MID1: variants seen among roughly 807,000 people sequenced by gnomAD.
The protein encoded by MID1 is E3 ubiquitin-protein ligase Midline-1.
A neutral mutation model predicts 40.4 loss-of-function variants in MID1; 7 were observed. The ratio of observed to expected loss-of-function variants is 0.17; its 90% CI spans 0.10 to 0.33. MID1 has a LOEUF of 0.33. Ranked by LOEUF, MID1 falls within the 10% of genes least tolerant of loss-of-function variation. The pLI, the probability that MID1 is intolerant of heterozygous loss-of-function variation, is 1.00. For missense variants in MID1, 367 were observed against 558.5 expected, an observed-to-expected ratio of 0.66 and a Z score of 3.46; for synonymous variants, 229 against 221.2, an observed-to-expected ratio of 1.04 and a Z score of -0.31.
Position 10,640,243 on chromosome X carries a change from C to T in MID1, c.-186-19824G>A, listed in dbSNP as rs1171851196. Among the ~76,000 whole-genome samples, 10 of 111,356 alleles carry T rather than the reference C, an allele frequency of 9.0e-5. No individual in the cohort carries two copies. The South Asian group carries it at 1.9e-3, about 21-fold the overall frequency. The stretch of plus-strand genomic sequence containing the variant: ...GGCAAATTGGATAAAGAGTCAAGAC[C>T]CATCAGTGTGCTGTATTCAGGAGAC... On this transcript the variant is annotated intron_variant, in intron 1 of 10. Transcript: ENST00000380785.
rs1205933022 is a variant in MID1, at chrX:10,474,746, A to G, written c.1018T>C (p.Ser340Pro). The G allele has an allele frequency of 8.3e-7, 1 of 1,208,514 alleles. No homozygotes were observed. The highest frequency in any genetic ancestry group is 1.8e-5 in the South Asian group (1 of 56,938). Residue 340 changes from serine to proline, a missense_variant, in exon 6 of 10, where the codon TCC (serine) becomes CCC (proline). Ser to Pro is a moderately conservative substitution (Grantham distance 74). Transcript: ENST00000317552. ...QTAKNITERVSMATASSQVLI... is the reference protein window; with the variant it reads ...QTAKNITERVPMATASSQVLI... ...ACCTGGGAGGATGCAGTTGCCATGGAGACTCTGTAATGCAAACAAAACAAT... is the reference window on the plus strand; with the variant it reads ...ACCTGGGAGGATGCAGTTGCCATGGGGACTCTGTAATGCAAACAAAACAAT...
chrX:10,551,757 G>A (rs1933918255), intron 2 of MID1, among the ~76,000 whole-genome samples: 1 of 111,463 alleles, frequency 9.0e-6, no homozygotes, highest in African/African-American at 3.3e-5. Context: ...GGGGAGGGAA[G>A]ACTTATGCCC....
At chrX:10,744,508 C>T (rs2043546110) in intron 1 of MID1, among the ~76,000 whole-genome samples, 2 of 110,920 alleles carry the variant, frequency 1.8e-5, no homozygotes, top group African/African-American at 6.6e-5. Context: ...GCTAACTAGC[C>T]CCCAAATAGC....
intron 1 of MID1, among the ~76,000 whole-genome samples, chrX:10,735,286 A>G (rs112359121): frequency 0.11 from 11,865 of 110,584 alleles, 1,551 homozygotes; most frequent in African/African-American, 0.37. Context: ...ATTTTTAGTA[A>G]AGATGGGGTT....
chrX:10,756,398 G>A (rs2043633057), intron 1 of MID1, among the ~76,000 whole-genome samples: 1 of 112,471 alleles, frequency 8.9e-6, no homozygotes, highest in African/African-American at 3.2e-5. Context: ...AGAGCATTTC[G>A]AATGGAGTAT....
intron 1 of MID1, among the ~76,000 whole-genome samples, chrX:10,704,714 GTGTATATATATA>G (rs1314120649): frequency 1.5e-5 from 1 of 68,964 alleles, no homozygotes; most frequent in African/African-American, 5.5e-5. Flanking sequence ...ATGTGTGTGT[GTGTATATATATA>G]TATATATATA....
chrX:10,463,210 C>G (rs1929154292), intron 7 of MID1, among the ~76,000 whole-genome samples: 1 of 112,346 alleles, frequency 8.9e-6, no homozygotes, highest in Non-Finnish European at 1.9e-5. Flanking sequence ...AATGTCATTA[C>G]TTTTGCATTT....
Position 10,447,449 on chromosome X carries a change from T to A in MID1, c.*1919A>T, listed in dbSNP as rs1327769979. ...TGCATTAAAATATCCATTATCCAGTTACCCAAAATGTATGTAAAAATTACT... is the reference window on the plus strand; with the variant it reads ...TGCATTAAAATATCCATTATCCAGTAACCCAAAATGTATGTAAAAATTACT... On this transcript the variant is annotated 3_prime_UTR_variant, in exon 10 of 10. Transcript: ENST00000317552. 1 of 111,511 alleles carries A rather than the reference T, an allele frequency of 9.0e-6. No homozygotes were observed. The highest frequency in any genetic ancestry group is 1.9e-5 in the Non-Finnish European group (1 of 53,161). 9.2% of individuals were successfully genotyped at this position (111,511 alleles called of 1,213,427 possible).
chrX:10,704,023 T>C (rs1006400993), intron 1 of MID1, among the ~76,000 whole-genome samples: 6 of 112,330 alleles, frequency 5.3e-5, no homozygotes, highest in African/African-American at 1.6e-4. Context: ...AGAGTTGTTA[T>C]AACGTAACTT....
chrX:10,591,859 G>A (rs1051182391), intron 1 of MID1, among the ~76,000 whole-genome samples: 10 of 110,694 alleles, frequency 9.0e-5, no homozygotes, highest in Non-Finnish European at 1.9e-4. Flanking sequence ...TTTTTCCCCC[G>A]GGTCTACCCT....
chrX:10,782,363 G>A (rs915789266), intron 1 of MID1, among the ~76,000 whole-genome samples: 3 of 111,761 alleles, frequency 2.7e-5, no homozygotes, highest in African/African-American at 9.8e-5. Flanking sequence ...TCCCTGGCTT[G>A]GGCAGCATCC....
At position 10,566,981 on chromosome X, in the gene MID1, G is replaced by A. The variant is rs1555905154; in HGVS notation, c.567C>T (p.Thr189=). The change falls in exon 2 of 10, where the codon ACC becomes ACT. Residue 189 remains threonine (T), a synonymous_variant. Coordinates refer to ENST00000317552, the MANE Select transcript of MID1 (RefSeq NM_000381.4). ...ACAAGGCACAGATTAACTGGTCATC[G>A]GTCACACAGTACATATTCACCTTCT... ...EDEKVNMYCV[T]DDQLICALCK... is the part of the protein sequence containing the mutation. 17 of 1,209,781 alleles carry A rather than the reference G, an allele frequency of 1.4e-5. No individual in the cohort carries two copies. The highest frequency in any genetic ancestry group is 1.7e-5 in the Non-Finnish European group (15 of 895,108).
At chrX:10,465,258 C>CACACACACACAT (rs1929320008) in intron 7 of MID1, among the ~76,000 whole-genome samples, 4 of 96,470 alleles carry the variant, frequency 4.1e-5, no homozygotes, top group African/African-American at 1.6e-4. Flanking sequence ...CACACACACA[C>CACACACACACAT]ACATACATAT....
In MID1 at chrX:10,585,830, A is replaced by G. The variant is rs767918213; in HGVS notation, c.-56-18227T>C. The stretch of plus-strand genomic sequence containing the variant: ...GATAAATGTACTTATTTTCTGCCAT[A>G]TAGCCTCTTTCTTAATTAAGAGAAC... On this transcript the variant is annotated intron_variant, in intron 1 of 9. Coordinates refer to ENST00000317552, the MANE Select transcript of MID1 (RefSeq NM_000381.4). 7.2e-5 allele frequency among the ~76,000 whole-genome samples: 8 copies of G among 111,769 alleles called. No homozygotes were observed. In the South Asian group the frequency reaches 3.0e-3, roughly 42 times the overall value.
At chrX:10,777,061 T>C (rs1348208284) in intron 1 of MID1, among the ~76,000 whole-genome samples, 1 of 112,149 alleles carries the variant, frequency 8.9e-6, no homozygotes, top group African/African-American at 3.2e-5. Context: ...ACGAGGTTAT[T>C]TCTAGGGCAA....
At chrX:10,646,032 C>G (rs1602493854) in intron 1 of MID1, among the ~76,000 whole-genome samples, 1 of 111,234 alleles carries the variant, frequency 9.0e-6, no homozygotes, top group African/African-American at 3.3e-5. Context: ...TGGTAATGCC[C>G]TTGTCTGGGC....
chrX:10,523,997 T>A (rs1417014416), intron 2 of MID1, among the ~76,000 whole-genome samples: 1 of 112,031 alleles, frequency 8.9e-6, no homozygotes, highest in African/African-American at 3.2e-5. Context: ...TGAGCATCCA[T>A]GATTTTAGTA....
At chrX:10,754,315 T>C (rs191616663) in intron 1 of MID1, among the ~76,000 whole-genome samples, 1 of 106,946 alleles carries the variant, frequency 9.4e-6, no homozygotes, top group Non-Finnish European at 1.9e-5. Flanking sequence ...TTTTGTTTTT[T>C]GTTTTTTGTT....
At chrX:10,810,851 T>C (rs2044094210) in intron 1 of MID1, among the ~76,000 whole-genome samples, 1 of 110,380 alleles carries the variant, frequency 9.1e-6, no homozygotes, top group Non-Finnish European at 1.9e-5. Flanking sequence ...GACACCCCTC[T>C]TTGATATCCC....
Sources: allele counts gnomAD v4.1 joint callset (sites outside exome capture counted in the v4.1 genomes callset), GRCh38; gene constraint gnomAD v4.1.1; transcripts MANE v1.5; gene names NCBI Gene and HGNC (gene_info 2026-07-23, HGNC 2026-07-21).